The following RALYL variants were observed in gnomAD, a reference collection of about 807,000 sequenced individuals.
RALYL encodes RNA-binding Raly-like protein.
A neutral mutation model predicts 35.1 loss-of-function variants in RALYL; 29 were observed. The observed-to-expected ratio is 0.83, with a 90% CI of 0.61 to 1.13. The LOEUF is 1.13. Among genes scored for constraint, RALYL ranks in the 50% most tolerant of loss-of-function variants. RALYL has a pLI of 0.00. For synonymous variants in RALYL, 120 were observed against 127.6 expected (o/e 0.94, Z 0.40); for missense variants, 359 against 360.4 (o/e 1.00, Z 0.03).
chr8:84,634,650 G>A (rs772480708), intron 2 of RALYL, among the ~76,000 whole-genome samples: 1 of 151,678 alleles, frequency 6.6e-6, no homozygotes, highest in Non-Finnish European at 1.5e-5. Context: ...GGGCTAAGAA[G>A]TCAGGAAATA....
chr8:84,845,280 CA>C (rs922493542), intron 4 of RALYL, among the ~76,000 whole-genome samples: 7 of 152,254 alleles, frequency 4.6e-5, no homozygotes, highest in Admixed American at 2.6e-4. Flanking sequence ...TTCTGCTACA[CA>C]GTAAATACTC....
intron 1 of RALYL, among the ~76,000 whole-genome samples, chr8:84,317,772 A>G (rs1388377320): frequency 6.6e-6 from 1 of 152,154 alleles, no homozygotes; most frequent in Non-Finnish European, 1.5e-5. Flanking sequence ...AAGTGTCATG[A>G]TCAATCTGTG....
intron 2 of RALYL, among the ~76,000 whole-genome samples, chr8:84,615,500 A>C (rs1221883418): frequency 1.3e-5 from 2 of 151,064 alleles, no homozygotes; most frequent in Non-Finnish European, 2.9e-5. Context: ...AATGTGATTA[A>C]TCAGTTTAAA....
At chr8:84,901,403 A>C (rs1845666416) in intron 8 of RALYL, among the ~76,000 whole-genome samples, 1 of 152,182 alleles carries the variant, frequency 6.6e-6, no homozygotes, top group Non-Finnish European at 1.5e-5. Context: ...ACAACTCTTA[A>C]GAGATCTCAG....
chr8:84,552,477 T>G (rs941189608), intron 2 of RALYL, among the ~76,000 whole-genome samples: 1 of 145,250 alleles, frequency 6.9e-6, no homozygotes, highest in African/African-American at 2.5e-5. Context: ...ATGAACTCAC[T>G]CATATACACA....
chr8:84,548,180 A>C (rs973318780), intron 2 of RALYL, among the ~76,000 whole-genome samples: 2 of 150,610 alleles, frequency 1.3e-5, no homozygotes, highest in Non-Finnish European at 3.0e-5. Flanking sequence ...CTTTTTTTAA[A>C]GTTTATTTTT....
intron 1 of RALYL, among the ~76,000 whole-genome samples, chr8:84,335,399 T>G (rs2130782679): frequency 6.6e-6 from 1 of 152,290 alleles, no homozygotes; most frequent in African/African-American, 2.4e-5. Context: ...TTTGCTTTGT[T>G]GTCTTTGAAA....
chr8:84,588,501 G>A (rs970795092), intron 2 of RALYL, among the ~76,000 whole-genome samples: 13 of 152,214 alleles, frequency 8.5e-5, no homozygotes, highest in African/African-American at 3.1e-4. Flanking sequence ...ACAGAGCAAT[G>A]TTCTCTGAAG....
At chr8:84,836,444 T>G (rs1832042300) in intron 4 of RALYL, among the ~76,000 whole-genome samples, 1 of 152,202 alleles carries the variant, frequency 6.6e-6, no homozygotes, top group South Asian at 2.1e-4. Context: ...CCATTAGGTT[T>G]CTCCTCACTT....
chr8:84,532,440 G>A (rs1184279920), intron 2 of RALYL, among the ~76,000 whole-genome samples: 1 of 151,964 alleles, frequency 6.6e-6, no homozygotes, highest in East Asian at 1.9e-4. Flanking sequence ...TGCTTCTTGA[G>A]TTTTTTGATT....
chr8:84,874,785 C>T (rs531538191), intron 7 of RALYL, among the ~76,000 whole-genome samples: 11 of 152,212 alleles, frequency 7.2e-5, no homozygotes, highest in Non-Finnish European at 1.6e-4. Context: ...TGATGGCTGC[C>T]TCACATGGTG....
chr8:84,528,315 A>G (rs2059047754), intron 1 of RALYL, among the ~76,000 whole-genome samples: 1 of 152,096 alleles, frequency 6.6e-6, no homozygotes, highest in Admixed American at 6.6e-5. Flanking sequence ...ATGACAAAAA[A>G]TGGGTTGTTA....
At chr8:84,745,669 G>A (rs1276112020) in intron 2 of RALYL, among the ~76,000 whole-genome samples, 1 of 151,964 alleles carries the variant, frequency 6.6e-6, no homozygotes, top group African/African-American at 2.4e-5. Flanking sequence ...TAAAGAAATG[G>A]CCTTCTAGGC....
At chr8:84,329,356 G>T (rs1408695224) in intron 1 of RALYL, among the ~76,000 whole-genome samples, 1 of 152,132 alleles carries the variant, frequency 6.6e-6, no homozygotes, top group African/African-American at 2.4e-5. Flanking sequence ...CTGATGATTA[G>T]TGATGTAGAA....
In RALYL at chr8:84,301,994, AATT is replaced by A. The variant is rs545990157; in HGVS notation, c.-24+117573_-24+117575del. On this transcript the variant is annotated intron_variant, in intron 1 of 8. Transcript: ENST00000521268. Reference sequence around the variant, plus strand: ...CATAGTTTGGGTAAGGGGAATTAAAAATTATCTGCACCTTAATTACAAATCAAG... The same window carrying A: ...CATAGTTTGGGTAAGGGGAATTAAAAATCTGCACCTTAATTACAAATCAAG... Among the ~76,000 whole-genome samples the A allele has an allele frequency of 8.2e-4, 125 of 152,278 alleles. 4 individuals are homozygous for A. The South Asian group carries it at 0.022, about 27-fold the overall frequency.
intron 4 of RALYL, among the ~76,000 whole-genome samples, chr8:84,828,065 C>T (rs1830086322): frequency 6.6e-6 from 1 of 152,002 alleles, no homozygotes; most frequent in Admixed American, 6.6e-5. Flanking sequence ...ATAGGATCAA[C>T]AAATATTGAA....
intron 1 of RALYL, among the ~76,000 whole-genome samples, chr8:84,295,605 G>A (rs934058141): frequency 1.3e-5 from 2 of 152,060 alleles, no homozygotes; most frequent in Non-Finnish European, 2.9e-5. Flanking sequence ...AGCCTGAAGT[G>A]TGGTGTTCCT....
intron 2 of RALYL, among the ~76,000 whole-genome samples, chr8:84,605,858 G>C (rs567505841): frequency 2.0e-5 from 3 of 152,104 alleles, no homozygotes; most frequent in Non-Finnish European, 4.4e-5. Flanking sequence ...TATGATGCTC[G>C]TGGCTAAGTA....
intron 1 of RALYL, among the ~76,000 whole-genome samples, chr8:84,306,825 T>C (rs902831526): frequency 6.6e-6 from 1 of 152,206 alleles, no homozygotes; most frequent in African/African-American, 2.4e-5. Context: ...GAGGTCAAGT[T>C]GAATTGCTAG....
Sources: gnomAD v4.1 joint callset for allele counts (sites outside exome capture counted in the v4.1 genomes callset) on GRCh38, gnomAD v4.1.1 for gene constraint, MANE v1.5 for transcripts, NCBI Gene and HGNC (gene_info 2026-07-23, HGNC 2026-07-21) for gene names.